Variants in TENM3 observed in about 807,000 individuals in gnomAD.
The protein encoded by TENM3 is teneurin transmembrane protein 3.
A neutral mutation model predicts 255.1 loss-of-function variants in TENM3; 63 were observed. The ratio of observed to expected loss-of-function variants is 0.25; its 90% confidence interval spans 0.20 to 0.30. The LOEUF (loss-of-function observed/expected upper bound fraction) is 0.30. TENM3 is among the 10% of genes least tolerant of loss of function. The pLI, the probability that TENM3 is intolerant of heterozygous loss-of-function variation, is 1.00. For synonymous variants in TENM3, 1,306 were observed against 1,322.3 expected, an observed-to-expected ratio of 0.99 and a Z score of 0.27; for missense variants, 2,929 against 3,461.1, an observed-to-expected ratio of 0.85 and a Z score of 3.86.
At chr4:182,587,089 C>A (rs1379802810) in intron 3 of TENM3, among the ~76,000 whole-genome samples, 1 of 133,206 alleles carries the variant, frequency 7.5e-6, no homozygotes, top group East Asian at 2.5e-4. Flanking sequence ...GATCAGTTTT[C>A]TTTTAAAATT....
the TENM3 span, among the ~76,000 whole-genome samples, chr4:181,989,571 C>A: frequency 6.6e-6 from 1 of 152,144 alleles, no homozygotes; most frequent in Non-Finnish European, 1.5e-5. Context: ...AATCAGTTTT[C>A]TTTCTTTTCA....
rs570579862 is a variant in TENM3 at position 182,298,896 on chromosome 4, C to T, written c.-75-25050C>T. On this transcript the variant is annotated intron_variant, in intron 1 of 27. Transcript: ENST00000511685. ...GCTGAGGTGGGAGGATGGCTTGAAC[C>T]TCGCTTGAACCCAGGAGGCAGAGGT... 1.2e-3 allele frequency among the ~76,000 whole-genome samples: 172 copies of T among 143,560 alleles called. 1 individual carries two copies. Among genetic ancestry groups the T allele is most frequent in the Non-Finnish European group, 2.1e-3 (143 of 66,592 alleles). 94.2% of individuals were successfully genotyped at this position (143,560 alleles called of 152,430 possible). A position where few individuals can be genotyped will look rare whatever the true frequency, so the allele number is the denominator to read the frequency against.
the TENM3 span, among the ~76,000 whole-genome samples, chr4:181,966,974 G>A: frequency 4.4e-4 from 67 of 151,000 alleles, no homozygotes; most frequent in African/African-American, 1.5e-3. Flanking sequence ...CCTCCCCTTC[G>A]TTCCCTCACA....
the TENM3 span, among the ~76,000 whole-genome samples, chr4:181,905,502 C>T: frequency 1.3e-5 from 2 of 150,516 alleles, no homozygotes; most frequent in African/African-American, 4.9e-5. Flanking sequence ...AGTAACAAAA[C>T]GTGCCCACTA....
At chr4:181,767,449 T>G in the TENM3 span, among the ~76,000 whole-genome samples, 2 of 152,094 alleles carry the variant, frequency 1.3e-5, no homozygotes, top group African/African-American at 4.8e-5. Context: ...CTATGATGTG[T>G]AAGCTGGAAT....
the TENM3 span, among the ~76,000 whole-genome samples, chr4:182,024,712 AT>A: frequency 6.6e-6 from 1 of 152,048 alleles, no homozygotes; most frequent in Non-Finnish European, 1.5e-5. Context: ...TATACTCGTT[AT>A]TTTAAAATGT....
chr4:182,024,405 G>A, the TENM3 span, among the ~76,000 whole-genome samples: 2 of 152,130 alleles, frequency 1.3e-5, no homozygotes, highest in African/African-American at 4.8e-5. Context: ...TTATGGGGAT[G>A]GGTAAATCTG....
intron 3 of TENM3, among the ~76,000 whole-genome samples, chr4:182,442,873 CACACACAT>C (rs1254194514): frequency 9.5e-5 from 14 of 147,366 alleles, no homozygotes; most frequent in African/African-American, 1.5e-4. Context: ...CACACACACA[CACACACAT>C]ATATATATAT....
At chr4:182,649,009 T>C (rs1169135276) in intron 5 of TENM3, among the ~76,000 whole-genome samples, 2 of 152,206 alleles carry the variant, frequency 1.3e-5, no homozygotes, top group Non-Finnish European at 2.9e-5. Flanking sequence ...GTTTCCAGTT[T>C]GGGGCTATTA....
At chr4:182,264,086 C>G (rs192361009) in intron 1 of TENM3, among the ~76,000 whole-genome samples, 42 of 152,274 alleles carry the variant, frequency 2.8e-4, no homozygotes, top group African/African-American at 9.6e-4. Context: ...TCTGGCTTCT[C>G]TCTCTCTCTG....
At chr4:182,482,059 A>G (rs939742256) in intron 3 of TENM3, among the ~76,000 whole-genome samples, 1 of 152,190 alleles carries the variant, frequency 6.6e-6, no homozygotes, top group Admixed American at 6.5e-5. Context: ...AATTAAACTT[A>G]TACTTCAGTT....
chr4:182,185,141 G>A (rs1253814383), intron 1 of TENM3, among the ~76,000 whole-genome samples: 2 of 152,008 alleles, frequency 1.3e-5, no homozygotes, highest in Non-Finnish European at 2.9e-5. Context: ...GTCAAAAAAC[G>A]GATTGCAAAT....
At chr4:181,732,950 AC>A in the TENM3 span, among the ~76,000 whole-genome samples, 2 of 152,254 alleles carry the variant, frequency 1.3e-5, no homozygotes, top group African/African-American at 4.8e-5. Flanking sequence ...GTCAGCAAAG[AC>A]CCGTTGTTGC....
At chr4:181,492,251 T>C in the TENM3 span, among the ~76,000 whole-genome samples, 18 of 152,216 alleles carry the variant, frequency 1.2e-4, no homozygotes, top group African/African-American at 4.1e-4. Context: ...AAAATTAAGC[T>C]TGTACACATT....
the TENM3 span, among the ~76,000 whole-genome samples, chr4:181,917,299 A>G: frequency 1.3e-5 from 2 of 152,216 alleles, no homozygotes; most frequent in Admixed American, 1.3e-4. Flanking sequence ...AGAACAGTGT[A>G]AAAGGGATCG....
At chr4:182,211,639 C>A (rs1755047645) in intron 1 of TENM3, among the ~76,000 whole-genome samples, 2 of 152,132 alleles carry the variant, frequency 1.3e-5, no homozygotes, top group Non-Finnish European at 2.9e-5. Flanking sequence ...TTTTCAAAAG[C>A]GCTGGAATCC....
intron 3 of TENM3, among the ~76,000 whole-genome samples, chr4:182,440,426 T>G (rs1319192464): frequency 1.3e-5 from 2 of 152,142 alleles, no homozygotes; most frequent in Non-Finnish European, 2.9e-5. Flanking sequence ...TGGGCACCTT[T>G]AAATACAGAT....
chr4:181,550,893 C>T, the TENM3 span, among the ~76,000 whole-genome samples: 1 of 152,116 alleles, frequency 6.6e-6, no homozygotes, highest in East Asian at 1.9e-4. Flanking sequence ...GCAAACTACC[C>T]ATACTTTAAT....
intron 24 of TENM3, among the ~76,000 whole-genome samples, chr4:182,784,748 A>C (rs1263916142): frequency 6.6e-6 from 1 of 151,836 alleles, no homozygotes; most frequent in African/African-American, 2.4e-5. Context: ...GCGGGATATA[A>C]TCTCCTGGTG....
Sources: gnomAD v4.1 joint callset for allele counts (sites outside exome capture counted in the v4.1 genomes callset) on GRCh38, gnomAD v4.1.1 for gene constraint, MANE v1.5 for transcripts, NCBI Gene and HGNC (gene_info 2026-07-23, HGNC 2026-07-21) for gene names.